The following GGA3 variants were observed in gnomAD, a reference collection of about 807,000 sequenced individuals.
GGA3 encodes ADP-ribosylation factor-binding protein GGA3.
In GGA3, 57 loss-of-function variants were observed where a neutral mutation model predicts 77.5. The observed-to-expected ratio is 0.74, with a 90% confidence interval of 0.59 to 0.92. The LOEUF (loss-of-function observed/expected upper bound fraction) is 0.92. Ranked by LOEUF, GGA3 falls within the 40% of genes least tolerant of loss-of-function variation. GGA3 has a pLI of 0.00. For missense variants in GGA3, 970 were observed against 914.9 expected, an observed-to-expected ratio of 1.06 and a Z score of -0.78; for synonymous variants, 416 against 383.7, an observed-to-expected ratio of 1.08 and a Z score of -0.98.
At position 75,241,014 on chromosome 17, in the gene GGA3, C is replaced by T. The variant is rs570771571; in HGVS notation, c.990G>A (p.Ala330=). 19 of 1,614,058 alleles carry T rather than the reference C, an allele frequency of 1.2e-5. No homozygotes were observed. The highest frequency in any genetic ancestry group is 1.1e-4 in the East Asian group (5 of 44,870). Residue 330 remains alanine (A), a synonymous_variant, in exon 11 of 17, where the codon GCG becomes GCA. Coordinates refer to ENST00000537686, the MANE Select transcript of GGA3 (RefSeq NM_138619.4). ...ACAAACTGTTGGTCGTGTCCAGCTCCGCAAGGTCGATGAGCGTGCCTTGGT... is the reference window on the plus strand; with the variant it reads ...ACAAACTGTTGGTCGTGTCCAGCTCTGCAAGGTCGATGAGCGTGCCTTGGT... ...CSNQGTLIDL[A]ELDTTNSLSS... is the part of the protein sequence containing the mutation.
chr17:75,245,345 T>C (rs2076716598), intron 3 of GGA3, among the ~76,000 whole-genome samples: 1 of 152,204 alleles, frequency 6.6e-6, no homozygotes, highest in South Asian at 2.1e-4. Flanking sequence ...CATTTTGGGC[T>C]GGTCATTCTT....
At chr17:75,260,532 A>G (rs1315993193) in intron 1 of GGA3, among the ~76,000 whole-genome samples, 1 of 151,982 alleles carries the variant, frequency 6.6e-6, no homozygotes, top group African/African-American at 2.4e-5. Context: ...CTGAAGCTCA[A>G]CCTCCTGAAG....
chr17:75,258,269 C>G (rs1052120160), intron 1 of GGA3, among the ~76,000 whole-genome samples: 1 of 152,190 alleles, frequency 6.6e-6, no homozygotes, highest in South Asian at 2.1e-4. Flanking sequence ...TCTCTTCACA[C>G]GGACGCGCAT....
rs1469749020 is a variant in GGA3, at chr17:75,237,302, T to C, written c.*977A>G. The stretch of plus-strand genomic sequence containing the variant: ...GGTTTCTGGGCAGCACATTAGGACA[T>C]ATGTCTAGTGTAACATTTGTGATCC... On this transcript the variant is annotated 3_prime_UTR_variant, in exon 17 of 17. Coordinates refer to ENST00000537686, the MANE Select transcript of GGA3 (RefSeq NM_138619.4). 1 of 642,954 alleles carries C rather than the reference T, an allele frequency of 1.6e-6. No individual in the cohort carries two copies. The highest frequency in any genetic ancestry group is 2.8e-6 in the Non-Finnish European group (1 of 360,052). 39.8% of individuals were successfully genotyped at this position (642,954 alleles called of 1,614,324 possible).
rs1035275071 is a variant in GGA3 at position 75,239,490 on chromosome 17, C to T, written c.1665G>A (p.Thr555=). 16 of 1,577,784 alleles carry T rather than the reference C, an allele frequency of 1.0e-5. No individual in the cohort carries two copies. Among genetic ancestry groups the T allele is most frequent in the East Asian group, 2.3e-5 (1 of 44,262 alleles). Reference sequence around the variant, plus strand: ...GCTGGAAGAGCGGGCTGCCGGGCCCCGTGGAGAAGGGCAGGAGGGGCCTGG... The same window carrying T: ...GCTGGAAGAGCGGGCTGCCGGGCCCTGTGGAGAAGGGCAGGAGGGGCCTGG... ...TPARPLLPFS[T]GPGSPLFQPL... Residue 555 remains threonine, a synonymous_variant, in exon 14 of 17, where the codon ACG becomes ACA. Transcript: ENST00000537686.
rs139747861 is a variant in GGA3, at chr17:75,261,576, C to T, written c.12G>A (p.Ala4=). 1.9e-6 allele frequency: 3 copies of T among 1,555,568 alleles called. No homozygotes were observed. Among genetic ancestry groups the T allele is most frequent in the Non-Finnish European group, 2.6e-6 (3 of 1,153,406 alleles). MAE[A]EGESLESWLN... is the part of the protein sequence containing the mutation. ...GCCAGGACTCCAGGCTTTCCCCTTC[C>T]GCCTCCGCCATATTGCAGCCGCCCG... is the stretch of plus-strand genomic sequence containing the variant. The change falls in exon 1 of 17, where the codon GCG becomes GCA. Residue 4 remains alanine (A), a synonymous_variant. Transcript: ENST00000537686.
Position 75,239,093 on chromosome 17 carries a change from C to T in GGA3, c.1781-10G>A, listed in dbSNP as rs752362319. On this transcript the variant is annotated splice_polypyrimidine_tract_variant and intron_variant, in intron 14 of 16. Coordinates refer to ENST00000537686, the MANE Select transcript of GGA3 (RefSeq NM_138619.4). ...ACAGGAAGGGCACTGCCTGTAAGAA[C>T]GTGACGTGAGTGTGGGAGGAGCAGC... The T allele has an allele frequency of 8.1e-6, 13 of 1,610,414 alleles. No individual in the cohort carries two copies. Among genetic ancestry groups the T allele is most frequent in the South Asian group, 5.5e-5 (5 of 90,846 alleles).
At chr17:75,243,604 T>C in intron 4 of GGA3, 34 bp from the exon 5 acceptor site, 1 of 1,609,094 alleles carries the variant, frequency 6.2e-7, no homozygotes, top group Middle Eastern at 1.7e-4. Context: ...ACCTAGTAAG[T>C]GCAGTTCGGA....
In GGA3 at chr17:75,238,944, C is replaced by A; in HGVS notation, c.1920G>T (p.Lys640Asn). The A allele has an allele frequency of 6.2e-7, 1 of 1,614,076 alleles. No individual in the cohort carries two copies. Among genetic ancestry groups the A allele is most frequent in the South Asian group, 1.1e-5 (1 of 91,086 alleles). Reference protein sequence around the residue: ...SMLNTAPLPVKSIVLQAAVPK... With the variant: ...SMLNTAPLPVNSIVLQAAVPK... Reference sequence around the variant, plus strand: ...GCACTGCAGCCTGCAGCACGATGCTCTTGACAGGTAAGGGAGCCGTGTTCA... The same window carrying A: ...GCACTGCAGCCTGCAGCACGATGCTATTGACAGGTAAGGGAGCCGTGTTCA... The change falls in exon 15 of 17, where the codon AAG (lysine) becomes AAT (asparagine). Residue 640 changes from lysine to asparagine, a missense_variant. Coordinates refer to ENST00000537686, the MANE Select transcript of GGA3 (RefSeq NM_138619.4).
intron 1 of GGA3, among the ~76,000 whole-genome samples, chr17:75,258,707 A>T (rs2077239408): frequency 6.6e-6 from 1 of 152,154 alleles, no homozygotes; most frequent in Non-Finnish European, 1.5e-5. Context: ...CTTGGGCTGG[A>T]AATTGGAGAC....
In GGA3 at chr17:75,241,068, C is replaced by CA; in HGVS notation, c.947-12dup. 1 of 1,613,974 alleles carries CA rather than the reference C, an allele frequency of 6.2e-7. No homozygotes were observed. Among genetic ancestry groups the CA allele is most frequent in the Non-Finnish European group, 8.5e-7 (1 of 1,179,984 alleles). ...TGCACTGACTGTTTCCTGGATGGGT[C>CA]AACAGAGCAGAACAGGAATAATTAG... is the stretch of plus-strand genomic sequence containing the variant. On this transcript the variant is annotated splice_polypyrimidine_tract_variant and intron_variant, in intron 10 of 16. Transcript: ENST00000537686.
chr17:75,239,684 T>G, intron 13 of GGA3, 105 bp downstream of exon 13: 1 of 1,464,860 alleles, frequency 6.8e-7, no homozygotes, highest in Admixed American at 1.7e-5. Context: ...CCTTCCAGCC[T>G]GACTGATGGG....
chr17:75,240,737 G>A, intron 11 of GGA3, 75 bp downstream of exon 11: 1 of 1,487,676 alleles, frequency 6.7e-7, no homozygotes, highest in Non-Finnish European at 9.0e-7. Flanking sequence ...GCCCCGCTCA[G>A]GGCTCCTAAT....
chr17:75,256,774 C>T lies in GGA3; in HGVS notation c.40+4774G>A, dbSNP rs576007645. ...CATCAAGCTTGAAGATTTGCCCCCA[C>T]CCAGGACTGGCAAATTAGCTTTACT... On this transcript the variant is annotated intron_variant, in intron 1 of 16. Coordinates refer to ENST00000537686, the MANE Select transcript of GGA3 (RefSeq NM_138619.4). 3.4e-3 allele frequency among the ~76,000 whole-genome samples: 520 copies of T among 152,248 alleles called. 5 individuals are homozygous for T. The highest frequency in any genetic ancestry group is 0.012 in the African/African-American group (502 of 41,528).
chr17:75,259,009 A>G (rs2077253691), intron 1 of GGA3, among the ~76,000 whole-genome samples: 2 of 145,612 alleles, frequency 1.4e-5, no homozygotes, highest in South Asian at 4.3e-4. Flanking sequence ...GCTGGAGTGC[A>G]GTGGCACAAT....
intron 1 of GGA3, among the ~76,000 whole-genome samples, chr17:75,260,913 T>C (rs763636013): frequency 6.6e-5 from 10 of 151,666 alleles, no homozygotes; most frequent in Non-Finnish European, 1.0e-4. Context: ...AGGGGGTATA[T>C]GTATGTGTGT....
At chr17:75,242,204 G>T in intron 8 of GGA3, 132 bp downstream of exon 8, 1 of 937,912 alleles carries the variant, frequency 1.1e-6, no homozygotes, top group Non-Finnish European at 1.7e-6. Context: ...CTGTGCAGAT[G>T]AGTAAGGTCA....
At position 75,244,780 on chromosome 17, in the gene GGA3, G is replaced by T. The variant is rs1277622395; in HGVS notation, c.202-63C>A. On this transcript the variant is annotated intron_variant, in intron 3 of 16. Transcript: ENST00000537686. ...TGCTCGGGGCTGGAACCTGGCACTG[G>T]CAAGATCCCTGGCACCCAGAGAGTA... The T allele has an allele frequency of 2.9e-6, 3 of 1,044,352 alleles. No individual in the cohort carries two copies. The Admixed American group carries it at 5.2e-5, about 18-fold the overall frequency. The allele number at this position is 1,044,352 out of a possible 1,614,324, so 64.7% of individuals were successfully genotyped here.
chr17:75,253,869 T>A (rs550696004), intron 1 of GGA3, among the ~76,000 whole-genome samples: 24 of 152,108 alleles, frequency 1.6e-4, no homozygotes, highest in Non-Finnish European at 2.6e-4. Context: ...CTCAAGAACT[T>A]AAAACCTCGT....
Sources: allele counts gnomAD v4.1 joint callset (sites outside exome capture counted in the v4.1 genomes callset), GRCh38; gene constraint gnomAD v4.1.1; transcripts MANE v1.5; gene names NCBI Gene and HGNC (gene_info 2026-07-23, HGNC 2026-07-21).